Variants in FHIT observed in about 807,000 individuals in gnomAD.
FHIT encodes the protein bis(5'-adenosyl)-triphosphatase.
FHIT carries 19 observed loss-of-function variants against 17.9 expected under a neutral mutation model. The ratio of observed to expected loss-of-function variants is 1.06; its 90% CI spans 0.74 to 1.56. The LOEUF (loss-of-function observed/expected upper bound fraction) is 1.56, where lower values mean the gene tolerates loss of function less well. Among genes scored for constraint, FHIT ranks in the 40% most tolerant of loss-of-function variants. The pLI is 0.00. For missense variants in FHIT, 248 were observed against 189.2 expected, an observed-to-expected ratio of 1.31 and a Z score of -1.82; for synonymous variants, 81 against 69.7, an observed-to-expected ratio of 1.16 and a Z score of -0.81.
At chr3:61,021,321 C>T (rs1036550593) in intron 3 of FHIT, among the ~76,000 whole-genome samples, 3 of 152,082 alleles carry the variant, frequency 2.0e-5, no homozygotes, top group East Asian at 1.9e-4. Context: ...GAAATCAGGC[C>T]GGGCGCGGTG....
chr3:59,966,106 T>C (rs1278071162), intron 7 of FHIT, among the ~76,000 whole-genome samples: 1 of 152,224 alleles, frequency 6.6e-6, no homozygotes, highest in African/African-American at 2.4e-5. Flanking sequence ...AACTGCTGAA[T>C]TGCTTTTTGG....
At chr3:60,787,312 G>A (rs1185717340) in intron 4 of FHIT, among the ~76,000 whole-genome samples, 1 of 152,188 alleles carries the variant, frequency 6.6e-6, no homozygotes, top group Non-Finnish European at 1.5e-5. Flanking sequence ...ATGTTTTCCT[G>A]CATATTTATC....
chr3:60,036,257 CTAAGT>C (rs1208945089), intron 5 of FHIT, among the ~76,000 whole-genome samples: 1 of 152,196 alleles, frequency 6.6e-6, no homozygotes, highest in East Asian at 1.9e-4. Flanking sequence ...TTTTCCAGAT[CTAAGT>C]TAGATTCCAC....
intron 4 of FHIT, among the ~76,000 whole-genome samples, chr3:60,596,952 C>T (rs1054287321): frequency 2.0e-5 from 3 of 152,088 alleles, no homozygotes; most frequent in Non-Finnish European, 4.4e-5. Context: ...GTGCTTTGAA[C>T]TATCTAGATG....
chr3:60,114,042 T>A (rs1195102033), intron 5 of FHIT, among the ~76,000 whole-genome samples: 19 of 20,848 alleles, frequency 9.1e-4, no homozygotes, highest in Non-Finnish European at 1.3e-3. Context: ...AAAAAATATA[T>A]ATATATATAT....
At chr3:60,246,225 C>T (rs1705388099) in intron 5 of FHIT, among the ~76,000 whole-genome samples, 1 of 151,908 alleles carries the variant, frequency 6.6e-6, no homozygotes, top group Non-Finnish European at 1.5e-5. Context: ...CTTTTTAGAA[C>T]AGTTATACTA....
At chr3:60,785,436 C>G (rs547961313) in intron 4 of FHIT, among the ~76,000 whole-genome samples, 1 of 152,164 alleles carries the variant, frequency 6.6e-6, no homozygotes, top group Non-Finnish European at 1.5e-5. Flanking sequence ...TAAACTCCCA[C>G]GAAGAGAAGT....
intron 5 of FHIT, among the ~76,000 whole-genome samples, chr3:60,415,479 C>T (rs916924041): frequency 6.6e-6 from 1 of 151,750 alleles, no homozygotes. Flanking sequence ...ACAGCTTCTC[C>T]TAAAAGCATT....
At chr3:60,605,569 T>A (rs888788282) in intron 4 of FHIT, among the ~76,000 whole-genome samples, 4 of 152,228 alleles carry the variant, frequency 2.6e-5, no homozygotes, top group Admixed American at 6.5e-5. Flanking sequence ...TTTCTTCCTA[T>A]GTCTTTTCAT....
chr3:59,834,139 C>T (rs1701259153), intron 8 of FHIT, among the ~76,000 whole-genome samples: 2 of 152,172 alleles, frequency 1.3e-5, no homozygotes, highest in South Asian at 2.1e-4. Flanking sequence ...CAGCACAATG[C>T]AATGGTCATG....
intron 8 of FHIT, among the ~76,000 whole-genome samples, chr3:59,864,020 T>C (rs564701481): frequency 6.6e-6 from 1 of 152,346 alleles, no homozygotes; most frequent in South Asian, 2.1e-4. Context: ...GAAGCCTTTA[T>C]GAGTTCGTGC....
intron 4 of FHIT, among the ~76,000 whole-genome samples, chr3:60,554,120 A>C (rs1055025491): frequency 1.1e-4 from 16 of 152,148 alleles, no homozygotes; most frequent in African/African-American, 3.9e-4. Context: ...TATCAGGGAA[A>C]GACAGAAACC....
intron 8 of FHIT, among the ~76,000 whole-genome samples, chr3:59,892,244 A>C (rs561812807): frequency 6.6e-6 from 1 of 152,190 alleles, no homozygotes; most frequent in African/African-American, 2.4e-5. Flanking sequence ...CGAGCTTTGA[A>C]CCTCCTAAGC....
chr3:61,139,030 CT>C (rs368329092), intron 2 of FHIT, among the ~76,000 whole-genome samples: 3,914 of 137,206 alleles, frequency 0.029, 184 homozygotes, highest in East Asian at 0.27. Flanking sequence ...CTATATCAAA[CT>C]TTTTTTTTTT....
At chr3:60,104,943 TGAA>T (rs1704345069) in intron 5 of FHIT, among the ~76,000 whole-genome samples, 2 of 152,094 alleles carry the variant, frequency 1.3e-5, no homozygotes, top group South Asian at 4.2e-4. Context: ...TATCCTCTCT[TGAA>T]GCTCTTACTG....
At chr3:59,966,173 T>C (rs1707917344) in intron 7 of FHIT, among the ~76,000 whole-genome samples, 2 of 152,140 alleles carry the variant, frequency 1.3e-5, no homozygotes, top group Non-Finnish European at 2.9e-5. Context: ...TTCAAACAAA[T>C]AAGACTCTTA....
intron 5 of FHIT, among the ~76,000 whole-genome samples, chr3:60,410,545 T>G (rs1702024653): frequency 6.6e-6 from 1 of 152,196 alleles, no homozygotes; most frequent in Non-Finnish European, 1.5e-5. Context: ...CAGCATTTTT[T>G]TACTTTGAAA....
chr3:59,818,538 A>T (rs540720138), intron 8 of FHIT, among the ~76,000 whole-genome samples: 1 of 152,226 alleles, frequency 6.6e-6, no homozygotes, highest in East Asian at 1.9e-4. Context: ...TGTGATCTAC[A>T]CAGTCTCTAC....
chr3:60,451,431 G>C (rs1325527413), intron 5 of FHIT, among the ~76,000 whole-genome samples: 1 of 151,942 alleles, frequency 6.6e-6, no homozygotes, highest in Non-Finnish European at 1.5e-5. Flanking sequence ...CTCCTTAATG[G>C]ACTGGTACAT....
Sources: gnomAD v4.1 joint callset for allele counts (sites outside exome capture counted in the v4.1 genomes callset) on GRCh38, gnomAD v4.1.1 for gene constraint, MANE v1.5 for transcripts, NCBI Gene and HGNC (gene_info 2026-07-23, HGNC 2026-07-21) for gene names.